Variants in TBC1D9B observed in about 807,000 individuals in gnomAD.
TBC1D9B encodes the protein TBC1 domain family, member 9B (with GRAM domain).
In TBC1D9B, 87 loss-of-function variants were observed where a neutral mutation model predicts 121.1. That is an observed-to-expected ratio of 0.72 (90% confidence interval 0.60 to 0.86). The LOEUF (loss-of-function observed/expected upper bound fraction) is 0.86. Among genes scored for constraint, TBC1D9B ranks in the 40% least tolerant of loss-of-function variants. The pLI is 0.00. For missense variants in TBC1D9B, 1,540 were observed against 1,628.6 expected, an observed-to-expected ratio of 0.95 and a Z score of 0.94; for synonymous variants, 668 against 670.1, an observed-to-expected ratio of 1.00 and a Z score of 0.05.
At position 179,874,792 on chromosome 5, in the gene TBC1D9B, C is replaced by A; in HGVS notation, c.2186+110G>T. On this transcript the variant is annotated intron_variant, in intron 12 of 20. Coordinates refer to ENST00000355235, the MANE Select transcript of TBC1D9B (RefSeq NM_015043.4). The surrounding 1 kb of genome is among the most constrained non-coding windows in gnomAD (Gnocchi z 4.3). ...CCCAGAGCACCCCCGGGTCCAGCTGCAGCCTGGCACTTGGTGGGCACAGTC... is the reference window on the plus strand; with the variant it reads ...CCCAGAGCACCCCCGGGTCCAGCTGAAGCCTGGCACTTGGTGGGCACAGTC... 1 of 1,486,848 alleles carries A rather than the reference C, an allele frequency of 6.7e-7. No individual in the cohort carries two copies. Among genetic ancestry groups the A allele is most frequent in the East Asian group, 2.3e-5 (1 of 43,338 alleles). The allele number at this position is 1,486,848 out of a possible 1,614,324, so 92.1% of individuals were successfully genotyped here. A position where few individuals can be genotyped will look rare whatever the true frequency, so the allele number is the denominator to read the frequency against.
At chr5:179,878,233 C>G in intron 10 of TBC1D9B, 76 bp downstream of exon 10, 1 of 1,483,818 alleles carries the variant, frequency 6.7e-7, no homozygotes, top group Non-Finnish European at 9.1e-7. Flanking sequence ...ACCACACAGG[C>G]CTGGGACCAC....
Position 179,870,187 on chromosome 5 carries a change from G to A in TBC1D9B, c.2725+68C>T, listed in dbSNP as rs530913088. The A allele has an allele frequency of 3.0e-5, 47 of 1,588,356 alleles. No homozygotes were observed. The African/African-American group carries it at 3.4e-4, about 11-fold the overall frequency. On this transcript the variant is annotated intron_variant, in intron 16 of 20. Transcript: ENST00000355235. ...CAGGGGGAACAGACAGGAGATGCTG[G>A]CATTTGGAGGCTTCCTGGGAAAGGG... is the stretch of plus-strand genomic sequence containing the variant.
In TBC1D9B at chr5:179,874,992, A is replaced by T; in HGVS notation, c.2096T>A (p.Ile699Asn). The T allele has an allele frequency of 6.2e-7, 1 of 1,613,924 alleles. No homozygotes were observed. Among genetic ancestry groups the T allele is most frequent in the Non-Finnish European group, 8.5e-7 (1 of 1,180,026 alleles). ...CAGGACGGCCAGGGCCACCTGCAGG[A>T]TCACCTTGATGCCCTCATAGAAAAA... ...DCFFYEGIKV[I>N]LQVALAVLDA... The change falls in exon 12 of 21, where the codon ATC (isoleucine) becomes AAC (asparagine). Residue 699 changes from isoleucine (I) to asparagine (N), a missense_variant. Ile to Asn is a moderately radical substitution (Grantham distance 149, BLOSUM62 -3). Transcript: ENST00000355235. This position sits in a 1 kb window ranked among gnomAD's most constrained non-coding sequence, Gnocchi z 4.3.
Position 179,862,880 on chromosome 5 carries a change from T to C in TBC1D9B, c.*568A>G. On this transcript the variant is annotated 3_prime_UTR_variant, in exon 21 of 21. Transcript: ENST00000355235. ...AAGGATGATGAGCTGAGAGCACGTG[T>C]ACAGCCACGCCTGTGCGCAGCGCCC... The C allele has an allele frequency of 3.0e-6, 1 of 327,970 alleles. No individual in the cohort carries two copies. The highest frequency in any genetic ancestry group is 6.2e-6 in the Non-Finnish European group (1 of 161,428). The allele number at this position is 327,970 out of a possible 1,614,324, so 20.3% of individuals were successfully genotyped here. A position where few individuals can be genotyped will look rare whatever the true frequency, so the allele number is the denominator to read the frequency against.
Position 179,862,856 on chromosome 5 carries a change from A to G in TBC1D9B, c.*592T>C. ...GGATGTTTTTTTAAAGTTACTGGAA[A>G]GGATGATGAGCTGAGAGCACGTGTA... On this transcript the variant is annotated 3_prime_UTR_variant, in exon 21 of 21. Coordinates refer to ENST00000355235, the MANE Select transcript of TBC1D9B (RefSeq NM_015043.4). 3 of 332,310 alleles carry G rather than the reference A, an allele frequency of 9.0e-6. No homozygotes were observed. The highest frequency in any genetic ancestry group is 1.8e-5 in the Non-Finnish European group (3 of 163,588). The allele number at this position is 332,310 out of a possible 1,614,324, so 20.6% of individuals were successfully genotyped here.
chr5:179,880,544 G>A (rs1007274712), intron 7 of TBC1D9B, among the ~76,000 whole-genome samples: 1 of 152,212 alleles, frequency 6.6e-6, no homozygotes, highest in South Asian at 2.1e-4. Context: ...GGCTGGGGCA[G>A]CTGCCAGGGT....
chr5:179,904,831 G>A lies in TBC1D9B; in HGVS notation c.119-19C>T. The A allele has an allele frequency of 6.5e-7, 1 of 1,538,602 alleles. No homozygotes were observed. On this transcript the variant is annotated intron_variant, in intron 1 of 20. Transcript: ENST00000355235. The surrounding 1 kb of genome is among the most constrained non-coding windows in gnomAD (Gnocchi z 4.2). ...AGAAGACCTGGGAACAGGGCAGAGAGACATAGAGGGTGAGGGGAGGGCCGG... is the reference window on the plus strand; with the variant it reads ...AGAAGACCTGGGAACAGGGCAGAGAAACATAGAGGGTGAGGGGAGGGCCGG...
In TBC1D9B at chr5:179,863,619, G is replaced by A. The variant is rs1318535789; in HGVS notation, c.3531C>T (p.Thr1177=). ...PTARIGGTVD[T]DWCISFEQIL... ...TCTGCTCAAAGGAGATGCACCAGTC[G>A]GTGTCGACGGTGCCGCCGATGCGCG... Residue 1177 remains threonine, a synonymous_variant, in exon 21 of 21, where the codon ACC becomes ACT. Coordinates refer to ENST00000355235, the MANE Select transcript of TBC1D9B (RefSeq NM_015043.4). This position sits in a 1 kb window ranked among gnomAD's most constrained non-coding sequence, Gnocchi z 4.5. 9.9e-6 allele frequency: 16 copies of A among 1,613,710 alleles called. No homozygotes were observed. The highest frequency in any genetic ancestry group is 2.2e-5 in the South Asian group (2 of 91,090).
Position 179,904,822 on chromosome 5 carries a change from G to C in TBC1D9B, c.119-10C>G, listed in dbSNP as rs982445609. ...GTGCCCACGAGAAGACCTGGGAACAGGGCAGAGAGACATAGAGGGTGAGGG... is the reference window on the plus strand; with the variant it reads ...GTGCCCACGAGAAGACCTGGGAACACGGCAGAGAGACATAGAGGGTGAGGG... On this transcript the variant is annotated splice_polypyrimidine_tract_variant and intron_variant, in intron 1 of 20. Coordinates refer to ENST00000355235, the MANE Select transcript of TBC1D9B (RefSeq NM_015043.4). This position sits in a 1 kb window ranked among gnomAD's most constrained non-coding sequence, Gnocchi z 4.2. The C allele has an allele frequency of 2.6e-6, 4 of 1,550,124 alleles. No individual in the cohort carries two copies. The highest frequency in any genetic ancestry group is 3.5e-6 in the Non-Finnish European group (4 of 1,146,420).
At chr5:179,901,710 G>A (rs944228258) in intron 2 of TBC1D9B, among the ~76,000 whole-genome samples, 1 of 152,232 alleles carries the variant, frequency 6.6e-6, no homozygotes, top group African/African-American at 2.4e-5. Context: ...GAGAGCTGCA[G>A]TGAGCTGTGA....
At chr5:179,887,779 G>A (rs1223286433) in intron 7 of TBC1D9B, 3 of 369,686 alleles carry the variant, frequency 8.1e-6, no homozygotes, top group Non-Finnish European at 1.5e-5. Flanking sequence ...TGGGAACAAA[G>A]CCGAAGTGTA....
In TBC1D9B at chr5:179,863,170, G is replaced by A. The variant is rs1186340154; in HGVS notation, c.*278C>T. On this transcript the variant is annotated 3_prime_UTR_variant, in exon 21 of 21. Transcript: ENST00000355235. This position sits in a 1 kb window ranked among gnomAD's most constrained non-coding sequence, Gnocchi z 4.5. ...TGAGAGCCTGTAATGCTAGGCAGGTGCAGCTGGTGCGAGGCGGGCTCCCAC... is the reference window on the plus strand; with the variant it reads ...TGAGAGCCTGTAATGCTAGGCAGGTACAGCTGGTGCGAGGCGGGCTCCCAC... The A allele has an allele frequency of 4.2e-6, 2 of 472,302 alleles. No individual in the cohort carries two copies. The highest frequency in any genetic ancestry group is 7.6e-6 in the Non-Finnish European group (2 of 263,502). The allele number at this position is 472,302 out of a possible 1,614,324, so 29.3% of individuals were successfully genotyped here.
In TBC1D9B at chr5:179,875,868, G is replaced by T; in HGVS notation, c.1900+52C>A. On this transcript the variant is annotated intron_variant, in intron 11 of 20. Transcript: ENST00000355235. The surrounding 1 kb of genome is among the most constrained non-coding windows in gnomAD (Gnocchi z 4.5). ...CCTGGGAAGGGCTGCCACCCTCATG[G>T]AACCAGCAGGCACCTGGAGACCCAG... 6.8e-7 allele frequency: 1 copy of T among 1,469,754 alleles called. No individual in the cohort carries two copies. The highest frequency in any genetic ancestry group is 1.3e-5 in the South Asian group (1 of 74,980). The allele number at this position is 1,469,754 out of a possible 1,614,324, so 91.0% of individuals were successfully genotyped here.
At chr5:179,898,891 A>T (rs1413770770) in intron 3 of TBC1D9B, among the ~76,000 whole-genome samples, 2 of 152,244 alleles carry the variant, frequency 1.3e-5, no homozygotes, top group Non-Finnish European at 2.9e-5. Flanking sequence ...TGTTTCCAGC[A>T]TCTCTTCTGG....
At chr5:179,872,500 T>C (rs1457074497) in intron 14 of TBC1D9B, 2 of 222,872 alleles carry the variant, frequency 9.0e-6, no homozygotes, top group Admixed American at 1.1e-4. Flanking sequence ...CTGGCCCCTC[T>C]AGAGATGAGA....
rs769845595 is a variant in TBC1D9B, at chr5:179,873,232, C to A, written c.2203G>T (p.Val735Phe). The A allele has an allele frequency of 6.2e-7, 1 of 1,609,710 alleles. No individual in the cohort carries two copies. Among genetic ancestry groups the A allele is most frequent in the Admixed American group, 1.7e-5 (1 of 59,454 alleles). Reference protein sequence around the residue: ...TMLGRYLDNVVNKQSVSPPIP... With the variant: ...TMLGRYLDNVFNKQSVSPPIP... ...GGAGGAGAGACACTCTGCTTGTTGACCACATTATCCAGGTATCTGCAAAGG... is the reference window on the plus strand; with the variant it reads ...GGAGGAGAGACACTCTGCTTGTTGAACACATTATCCAGGTATCTGCAAAGG... Residue 735 changes from valine (V) to phenylalanine (F), a missense_variant, in exon 13 of 21, where the codon GTC (valine) becomes TTC (phenylalanine). Transcript: ENST00000355235.
intron 20 of TBC1D9B, among the ~76,000 whole-genome samples, chr5:179,864,518 T>C (rs768276163): frequency 6.6e-6 from 1 of 151,916 alleles, no homozygotes; most frequent in African/African-American, 2.4e-5. Context: ...AACTCAGCCC[T>C]TGAATGAAGC....
rs779690277 is a variant in TBC1D9B at position 179,891,596 on chromosome 5, C to G, written c.837-10G>C. 2 of 1,611,346 alleles carry G rather than the reference C, an allele frequency of 1.2e-6. No homozygotes were observed. Among genetic ancestry groups the G allele is most frequent in the East Asian group, 4.5e-5 (2 of 44,828 alleles). On this transcript the variant is annotated splice_polypyrimidine_tract_variant and intron_variant, in intron 5 of 20. Coordinates refer to ENST00000355235, the MANE Select transcript of TBC1D9B (RefSeq NM_015043.4). The surrounding 1 kb of genome is among the most constrained non-coding windows in gnomAD (Gnocchi z 4.3). ...TCGGGCGTCCAGGTCTCTGGGGAAA[C>G]AAGGTAGGAGGACAGGAGGAAAGGG... is the stretch of plus-strand genomic sequence containing the variant.
rs769575405 is a variant in TBC1D9B at position 179,874,889 on chromosome 5, C to A, written c.2186+13G>T. 32 of 1,610,716 alleles carry A rather than the reference C, an allele frequency of 2.0e-5. No homozygotes were observed. The highest frequency in any genetic ancestry group is 5.5e-5 in the South Asian group (5 of 90,996). ...TGTGAGCCCCCAGCAGGAGAAGGAA[C>A]CCGGCATGTCACCTGCCCAGCATGG... is the stretch of plus-strand genomic sequence containing the variant. On this transcript the variant is annotated intron_variant, in intron 12 of 20. Coordinates refer to ENST00000355235, the MANE Select transcript of TBC1D9B (RefSeq NM_015043.4). This position sits in a 1 kb window ranked among gnomAD's most constrained non-coding sequence, Gnocchi z 4.3.
Sources: gnomAD v4.1 joint callset for allele counts (sites outside exome capture counted in the v4.1 genomes callset) on GRCh38, gnomAD v4.1.1 for gene constraint, Gnocchi (gnomAD v3.1) non-coding constraint, MANE v1.5 for transcripts, NCBI Gene and HGNC (gene_info 2026-07-23, HGNC 2026-07-21) for gene names.